Variants in ATRNL1 observed in about 807,000 individuals in gnomAD.
The protein encoded by ATRNL1 is attractin-like protein 1.
A neutral mutation model predicts 182.7 loss-of-function variants in ATRNL1; 95 were observed. The observed-to-expected ratio is 0.52, with a 90% CI of 0.44 to 0.62. The LOEUF (loss-of-function observed/expected upper bound fraction) is 0.62, where lower values mean the gene tolerates loss of function less well. ATRNL1 is among the 20% of genes least tolerant of loss of function. The pLI, the probability that ATRNL1 is intolerant of heterozygous loss-of-function variation, is 0.00. For synonymous variants in ATRNL1, 576 were observed against 568.3 expected (o/e 1.01, Z -0.19); for missense variants, 1,471 against 1,679.5 (o/e 0.88, Z 2.17).
chr10:115,929,112 A>G (rs1324824246), intron 28 of ATRNL1, among the ~76,000 whole-genome samples: 1 of 152,006 alleles, frequency 6.6e-6, no homozygotes, highest in Non-Finnish European at 1.5e-5. Context: ...ATTTTTACTC[A>G]TTTCAACAAG....
intron 19 of ATRNL1, among the ~76,000 whole-genome samples, chr10:115,357,479 A>C (rs1489201396): frequency 6.6e-6 from 1 of 151,846 alleles, no homozygotes; most frequent in Non-Finnish European, 1.5e-5. Flanking sequence ...TGCCTACAGC[A>C]GGTGTAGGAA....
At chr10:115,926,630 A>G (rs1464308236) in intron 28 of ATRNL1, among the ~76,000 whole-genome samples, 1 of 152,152 alleles carries the variant, frequency 6.6e-6, no homozygotes, top group Non-Finnish European at 1.5e-5. Context: ...TACTATAAAC[A>G]CCTCTATGCA....
intron 27 of ATRNL1, among the ~76,000 whole-genome samples, chr10:115,836,904 C>T (rs757558119): frequency 6.6e-6 from 1 of 152,034 alleles, no homozygotes; most frequent in Admixed American, 6.6e-5. Context: ...AACACAGTGA[C>T]CCAGATGTGT....
chr10:115,683,550 T>TTTTG (rs1176479592), intron 26 of ATRNL1, among the ~76,000 whole-genome samples: 2 of 144,826 alleles, frequency 1.4e-5, no homozygotes, highest in Admixed American at 6.9e-5. Context: ...GAACTAGCGT[T>TTTTG]TTTTTTTTTT....
At chr10:115,768,308 GTC>G (rs1445061443) in intron 27 of ATRNL1, among the ~76,000 whole-genome samples, 1 of 151,936 alleles carries the variant, frequency 6.6e-6, no homozygotes, top group African/African-American at 2.4e-5. Context: ...ATACTATATA[GTC>G]TCTCTGCTGT....
chr10:115,811,874 A>G (rs1021602848), intron 27 of ATRNL1, among the ~76,000 whole-genome samples: 17 of 152,220 alleles, frequency 1.1e-4, no homozygotes, highest in African/African-American at 3.6e-4. Flanking sequence ...TTATAAAAAT[A>G]TGTGAAAATT....
intron 20 of ATRNL1, among the ~76,000 whole-genome samples, chr10:115,410,381 G>A (rs1464611594): frequency 1.3e-5 from 2 of 151,458 alleles, no homozygotes; most frequent in Non-Finnish European, 2.9e-5. Context: ...GAGTGCAGTG[G>A]CACAATCTTG....
intron 9 of ATRNL1, among the ~76,000 whole-genome samples, chr10:115,232,154 A>G (rs1028360075): frequency 1.3e-5 from 2 of 152,124 alleles, no homozygotes; most frequent in African/African-American, 4.8e-5. Context: ...ATGCTTGTTC[A>G]TGCTCTATTT....
intron 19 of ATRNL1, among the ~76,000 whole-genome samples, chr10:115,375,894 C>A (rs1398241801): frequency 1.3e-5 from 2 of 152,020 alleles, no homozygotes; most frequent in Non-Finnish European, 2.9e-5. Context: ...TTACTGTATT[C>A]TGAATTTGAC....
At chr10:115,374,149 G>A (rs1300149633) in intron 19 of ATRNL1, among the ~76,000 whole-genome samples, 1 of 151,536 alleles carries the variant, frequency 6.6e-6, no homozygotes, top group Non-Finnish European at 1.5e-5. Context: ...TCTATTTGTT[G>A]ATATAAAATT....
At chr10:115,864,383 C>A (rs908429928) in intron 28 of ATRNL1, among the ~76,000 whole-genome samples, 1 of 151,864 alleles carries the variant, frequency 6.6e-6, no homozygotes, top group Non-Finnish European at 1.5e-5. Context: ...TAGACAAATA[C>A]CACAGTAGTA....
intron 20 of ATRNL1, among the ~76,000 whole-genome samples, chr10:115,417,730 G>T (rs1554961136): frequency 6.6e-6 from 1 of 152,246 alleles, no homozygotes; most frequent in South Asian, 2.1e-4. Context: ...AGGTTTCCTG[G>T]CCAGCTTTCC....
At chr10:115,645,765 A>C (rs1555032098) in intron 26 of ATRNL1, among the ~76,000 whole-genome samples, 1 of 151,912 alleles carries the variant, frequency 6.6e-6, no homozygotes, top group Non-Finnish European at 1.5e-5. Context: ...TTCAGAATGG[A>C]GTTAGTCTGG....
intron 17 of ATRNL1, among the ~76,000 whole-genome samples, chr10:115,306,056 T>G (rs1218300290): frequency 6.6e-6 from 1 of 152,222 alleles, no homozygotes; most frequent in Non-Finnish European, 1.5e-5. Flanking sequence ...TTCTAAAAAT[T>G]ATTTAGAATT....
At chr10:115,817,576 G>A (rs551493435) in intron 27 of ATRNL1, among the ~76,000 whole-genome samples, 1 of 152,106 alleles carries the variant, frequency 6.6e-6, no homozygotes, top group Non-Finnish European at 1.5e-5. Context: ...CACCTGTGTG[G>A]ACCCACTGAG....
chr10:115,798,338 C>T (rs1373835162), intron 27 of ATRNL1, among the ~76,000 whole-genome samples: 8 of 152,146 alleles, frequency 5.3e-5, no homozygotes, highest in Non-Finnish European at 1.2e-4. Flanking sequence ...GATTCCTGCT[C>T]TCTCACCTGT....
chr10:115,508,637 C>T (rs1277672055), intron 24 of ATRNL1, among the ~76,000 whole-genome samples: 1 of 151,986 alleles, frequency 6.6e-6, no homozygotes, highest in Non-Finnish European at 1.5e-5. Context: ...ATCAAAACCA[C>T]TATAACATTC....
At position 115,265,213 on chromosome 10, in the gene ATRNL1, C is replaced by G. The variant is rs535725862; in HGVS notation, c.1708C>G (p.Leu570Val). The G allele has an allele frequency of 3.1e-6, 5 of 1,605,858 alleles. No individual in the cohort carries two copies. The highest frequency in any genetic ancestry group is 1.3e-5 in the African/African-American group (1 of 74,592). The change falls in exon 11 of 29, where the codon CTA becomes GTA. Residue 570 changes from leucine (L) to valine (V), a missense_variant. Physicochemically the swap from Leu to Val is conservative, Grantham distance 32 (BLOSUM62 1). Transcript: ENST00000355044. ...TCTAGCTTGTGATGAATGGAAAATA[C>G]TACCAAAACCAAATCTTCATAGAGA... ...YDIACDEWKI[L>V]PKPNLHRDVN...
chr10:115,404,569 A>T (rs147450630), intron 20 of ATRNL1, among the ~76,000 whole-genome samples: 61 of 152,314 alleles, frequency 4.0e-4, no homozygotes, highest in Non-Finnish European at 7.2e-4. Flanking sequence ...AATCAAACTT[A>T]TTGTATAGAA....
Sources: gnomAD v4.1 joint callset for allele counts (sites outside exome capture counted in the v4.1 genomes callset) on GRCh38, gnomAD v4.1.1 for gene constraint, MANE v1.5 for transcripts, NCBI Gene and HGNC (gene_info 2026-07-23, HGNC 2026-07-21) for gene names.